ELAPOR2: variants seen among roughly 807,000 people sequenced by gnomAD.
ELAPOR2 encodes endosome/lysosome-associated apoptosis and autophagy regulator family member 2.
ELAPOR2 carries 89 observed loss-of-function variants against 120.7 expected under a neutral mutation model. The ratio of observed to expected loss-of-function variants is 0.74; its 90% CI spans 0.62 to 0.88. The LOEUF is 0.88. Among genes scored for constraint, ELAPOR2 ranks in the 40% least tolerant of loss-of-function variants. The pLI is 0.00. For missense variants in ELAPOR2, 1,134 were observed against 1,251.6 expected (o/e 0.91, Z 1.42); for synonymous variants, 444 against 444.9 (o/e 1.00, Z 0.03).
chr7:86,908,420 G>A (rs760094519), intron 17 of ELAPOR2, 27 bp downstream of exon 17: 54 of 1,242,830 alleles, frequency 4.3e-5, no homozygotes, highest in Non-Finnish European at 5.4e-5. Flanking sequence ...TTAAAATATA[G>A]TCAAGGGAAA....
intron 1 of ELAPOR2, among the ~76,000 whole-genome samples, chr7:87,000,479 A>G (rs1437927949): frequency 1.3e-5 from 2 of 152,188 alleles, no homozygotes; most frequent in African/African-American, 4.8e-5. Flanking sequence ...TCTGGCCCAG[A>G]CTCTGCGTCT....
At chr7:86,937,624 A>G (rs1390569392) in intron 8 of ELAPOR2, among the ~76,000 whole-genome samples, 1 of 152,102 alleles carries the variant, frequency 6.6e-6, no homozygotes. Flanking sequence ...CGAATAGCCC[A>G]TGGCTGCATG....
intron 1 of ELAPOR2, among the ~76,000 whole-genome samples, chr7:87,040,735 C>T (rs1465818881): frequency 9.2e-5 from 14 of 152,218 alleles, no homozygotes; most frequent in Non-Finnish European, 5.9e-5. Context: ...CGCAGTTCCT[C>T]ACCAGCAACG....
At chr7:87,012,751 T>A (rs1343898486) in intron 1 of ELAPOR2, among the ~76,000 whole-genome samples, 3 of 152,180 alleles carry the variant, frequency 2.0e-5, no homozygotes, top group African/African-American at 7.2e-5. Context: ...CCAACTTGAA[T>A]GAACAAAGTA....
intron 1 of ELAPOR2, among the ~76,000 whole-genome samples, chr7:86,985,888 C>G (rs1161825529): frequency 1.3e-5 from 2 of 149,096 alleles, no homozygotes; most frequent in Non-Finnish European, 3.0e-5. Context: ...TCTCAATATA[C>G]TAGGTATTGA....
intron 21 of ELAPOR2, among the ~76,000 whole-genome samples, chr7:86,886,868 T>C (rs1487998316): frequency 1.3e-5 from 2 of 152,102 alleles, no homozygotes; most frequent in East Asian, 1.9e-4. Context: ...GGTTCACTGA[T>C]GATTTGGTTG....
At chr7:86,990,197 C>CAG (rs1204644229) in intron 1 of ELAPOR2, among the ~76,000 whole-genome samples, 7 of 152,134 alleles carry the variant, frequency 4.6e-5, no homozygotes, top group African/African-American at 1.7e-4. Flanking sequence ...CAGGCACCTG[C>CAG]CACCACGCCC....
chr7:86,946,012 A>C (rs962547571), intron 3 of ELAPOR2, among the ~76,000 whole-genome samples: 1 of 152,142 alleles, frequency 6.6e-6, no homozygotes, highest in African/African-American at 2.4e-5. Context: ...TCAGCTTAAT[A>C]ATCAAATGAC....
intron 1 of ELAPOR2, among the ~76,000 whole-genome samples, chr7:87,001,774 T>C (rs1047989960): frequency 2.6e-5 from 4 of 152,126 alleles, no homozygotes; most frequent in Non-Finnish European, 4.4e-5. Flanking sequence ...CAGCAGAGGA[T>C]CATATCAAAA....
At chr7:87,019,982 T>C (rs927929966) in intron 1 of ELAPOR2, among the ~76,000 whole-genome samples, 8 of 152,172 alleles carry the variant, frequency 5.3e-5, no homozygotes, top group African/African-American at 1.7e-4. Flanking sequence ...ATATAGCATA[T>C]ACAATATTTT....
At chr7:87,035,070 A>G (rs1449639195) in intron 1 of ELAPOR2, among the ~76,000 whole-genome samples, 2 of 151,614 alleles carry the variant, frequency 1.3e-5, no homozygotes, top group Non-Finnish European at 1.5e-5. Flanking sequence ...TGGACAAAAA[A>G]GAGTGAAACT....
intron 2 of ELAPOR2, among the ~76,000 whole-genome samples, chr7:86,952,465 C>T (rs1791298708): frequency 6.6e-6 from 1 of 152,174 alleles, no homozygotes; most frequent in South Asian, 2.1e-4. Flanking sequence ...ACAACCAATA[C>T]AAAAAGGGCA....
intron 1 of ELAPOR2, among the ~76,000 whole-genome samples, chr7:87,002,717 T>C (rs1385236188): frequency 6.6e-6 from 1 of 152,100 alleles, no homozygotes; most frequent in African/African-American, 2.4e-5. Context: ...ACTGTATCCT[T>C]AACACTGAGT....
In ELAPOR2 at chr7:86,907,770, A is replaced by C; in HGVS notation, c.2458T>G (p.Ser820Ala). 6.5e-7 allele frequency: 1 copy of C among 1,540,252 alleles called. No individual in the cohort carries two copies. Among genetic ancestry groups the C allele is most frequent in the Non-Finnish European group, 8.7e-7 (1 of 1,149,630 alleles). ...QIPDVHFFYKSSTATTSCING... is the reference protein window; with the variant it reads ...QIPDVHFFYKASTATTSCING... ...ATACAAGATGTTGTTGCTGTAGAAG[A>C]CCTATTGTAAGCCAAATAACATTTT... is the stretch of plus-strand genomic sequence containing the variant. Residue 820 changes from serine to alanine, a missense_variant and splice_region_variant, in exon 18 of 22, where the codon TCT becomes GCT. By Grantham distance (99) the Ser-to-Ala change is moderately conservative. Transcript: ENST00000450689.
At chr7:86,957,462 T>C (rs1791522687) in intron 2 of ELAPOR2, among the ~76,000 whole-genome samples, 1 of 152,246 alleles carries the variant, frequency 6.6e-6, no homozygotes, top group Non-Finnish European at 1.5e-5. Context: ...ATATATTCTG[T>C]CCATGAGAGT....
intron 1 of ELAPOR2, among the ~76,000 whole-genome samples, chr7:86,983,128 G>C (rs1023600781): frequency 2.0e-5 from 3 of 152,124 alleles, no homozygotes; most frequent in African/African-American, 7.2e-5. Flanking sequence ...AAGAAGAGAA[G>C]TTTAGAGAAA....
intron 1 of ELAPOR2, among the ~76,000 whole-genome samples, chr7:86,979,630 G>T (rs558852859): frequency 6.6e-6 from 1 of 152,340 alleles, no homozygotes; most frequent in South Asian, 2.1e-4. Flanking sequence ...AGTAAAGCCA[G>T]AATGTGGAGA....
chr7:86,955,828 A>G (rs1165887341), intron 2 of ELAPOR2, among the ~76,000 whole-genome samples: 1 of 151,934 alleles, frequency 6.6e-6, no homozygotes, highest in African/African-American at 2.4e-5. Context: ...TTTCTAACAG[A>G]CTCCATGACT....
intron 1 of ELAPOR2, among the ~76,000 whole-genome samples, chr7:87,053,088 T>G (rs1795162628): frequency 6.6e-6 from 1 of 152,074 alleles, no homozygotes; most frequent in Non-Finnish European, 1.5e-5. Flanking sequence ...GTGGGCCACC[T>G]CGCCCAAACT....
Sources: gnomAD v4.1 joint callset for allele counts (sites outside exome capture counted in the v4.1 genomes callset) on GRCh38, gnomAD v4.1.1 for gene constraint, MANE v1.5 for transcripts, NCBI Gene and HGNC (gene_info 2026-07-23, HGNC 2026-07-21) for gene names.